RPGRIP1: variants seen among roughly 807,000 people sequenced by gnomAD.
The protein encoded by RPGRIP1 is RPGR interacting protein 1.
A neutral mutation model predicts 157.9 loss-of-function variants in RPGRIP1; 128 were observed. The ratio of observed to expected loss-of-function variants is 0.81; its 90% CI spans 0.70 to 0.94. The LOEUF is 0.94. Among genes scored for constraint, RPGRIP1 ranks in the 40% least tolerant of loss-of-function variants. The probability of loss-of-function intolerance (pLI) is 0.00; values close to 1 mark genes in which losing one functional copy is unlikely to be tolerated. For missense variants in RPGRIP1, 1,486 were observed against 1,545.8 expected, an observed-to-expected ratio of 0.96 and a Z score of 0.65; for synonymous variants, 554 against 571.6, an observed-to-expected ratio of 0.97 and a Z score of 0.44.
intron 10 of RPGRIP1, among the ~76,000 whole-genome samples, chr14:21,312,737 G>A (rs984987782): frequency 2.0e-5 from 3 of 151,092 alleles, no homozygotes; most frequent in Non-Finnish European, 4.4e-5. Flanking sequence ...TGCCCAGGCT[G>A]GAGTGCAGTG....
At chr14:21,290,127 G>T (rs2093603411) in intron 2 of RPGRIP1, among the ~76,000 whole-genome samples, 1 of 152,102 alleles carries the variant, frequency 6.6e-6, no homozygotes, top group Non-Finnish European at 1.5e-5. Context: ...AAAGTGCTGG[G>T]ATTACAGGCA....
intron 20 of RPGRIP1, 116 bp downstream of exon 20, chr14:21,330,503 T>A: frequency 1.4e-6 from 1 of 708,650 alleles, no homozygotes; most frequent in Non-Finnish European, 2.0e-6. Context: ...CCGTCTCTAC[T>A]AAAAATACAA....
intron 20 of RPGRIP1, among the ~76,000 whole-genome samples, chr14:21,333,224 G>A (rs1356329732): frequency 6.6e-6 from 1 of 152,218 alleles, no homozygotes; most frequent in African/African-American, 2.4e-5. Flanking sequence ...TGAAAAAGAA[G>A]CTTATTAATC....
Position 21,325,351 on chromosome 14 carries a change from G to C in RPGRIP1, c.2335G>C (p.Val779Leu), listed in dbSNP as rs1050643789. The C allele has an allele frequency of 2.5e-6, 4 of 1,595,166 alleles. No individual in the cohort carries two copies. Among genetic ancestry groups the C allele is most frequent in the Non-Finnish European group, 3.4e-6 (4 of 1,170,726 alleles). The change falls in exon 16 of 25, where the codon GTG becomes CTG. Residue 779 changes from valine (V) to leucine (L), a missense_variant. Val to Leu is a conservative substitution (Grantham distance 32, BLOSUM62 1). Transcript: ENST00000400017. ...KKAQVYLSTDVLGGRKAQEEE... is the reference protein window; with the variant it reads ...KKAQVYLSTDLLGGRKAQEEE... ...AGCCCAGGTCTACCTGTCAACCGAT[G>C]TGCTTGGAGGCCGGAAGGCCCAGGA...
chr14:21,324,648 G>T lies in RPGRIP1; in HGVS notation c.1793G>T (p.Arg598Leu), dbSNP rs74034910. 7 of 1,613,644 alleles carry T rather than the reference G, an allele frequency of 4.3e-6. No homozygotes were observed. The highest frequency in any genetic ancestry group is 2.2e-5 in the South Asian group (2 of 91,060). ...CTCAAAGATGTTGCTTATGGCACCC[G>T]ACCGTTGTCGTTATGTTTGGAAACA... is the stretch of plus-strand genomic sequence containing the variant. ...EQLKDVAYGT[R>L]PLSLCLETLP... The change falls in exon 15 of 25, where the codon CGA becomes CTA. Residue 598 changes from arginine (R) to leucine (L), a missense_variant. Physicochemically the swap from Arg to Leu is moderately radical, Grantham distance 102. Transcript: ENST00000400017.
intron 24 of RPGRIP1, 126 bp downstream of exon 24, chr14:21,348,428 T>C (rs1885787384): frequency 2.1e-5 from 15 of 726,212 alleles, no homozygotes; most frequent in Non-Finnish European, 3.2e-5. Context: ...TGAAATCTTA[T>C]CCCTACAACT....
chr14:21,349,927 CTATCT>C (rs1439646729), intron 24 of RPGRIP1, among the ~76,000 whole-genome samples: 18 of 152,300 alleles, frequency 1.2e-4, no homozygotes, highest in Middle Eastern at 3.4e-3. Context: ...GGGATGTCAC[CTATCT>C]TATCTGCTAG....
chr14:21,341,845 G>C (rs1367913026), intron 21 of RPGRIP1, among the ~76,000 whole-genome samples: 1 of 152,036 alleles, frequency 6.6e-6, no homozygotes, highest in East Asian at 1.9e-4. Context: ...CACGAGGTCA[G>C]GAGATCGAGA....
At chr14:21,281,988 T>C (rs1370235939) in intron 1 of RPGRIP1, among the ~76,000 whole-genome samples, 1 of 151,568 alleles carries the variant, frequency 6.6e-6, no homozygotes, top group African/African-American at 2.4e-5. Context: ...CCAGCTACTC[T>C]GGAGGCTGAG....
chr14:21,346,272 G>A lies in RPGRIP1; in HGVS notation c.3617+1075G>A, dbSNP rs532782889. Among the ~76,000 whole-genome samples the A allele has an allele frequency of 5.3e-5, 8 of 152,166 alleles. No homozygotes were observed. In the South Asian group the frequency reaches 6.2e-4, roughly 12 times the overall value. ...ATACCCAAAAAAAAATTATTTGGTC[G>A]GGTGCAGTGGCTCACATCTGTAATC... On this transcript the variant is annotated intron_variant, in intron 23 of 24. Coordinates refer to ENST00000400017, the MANE Select transcript of RPGRIP1 (RefSeq NM_020366.4).
At chr14:21,336,279 A>G (rs1245227277) in intron 21 of RPGRIP1, among the ~76,000 whole-genome samples, 2 of 152,172 alleles carry the variant, frequency 1.3e-5, no homozygotes, top group African/African-American at 4.8e-5. Context: ...TCACACTTGT[A>G]ATCCCAGCAC....
In RPGRIP1 at chr14:21,326,084, T is replaced by C; in HGVS notation, c.2621T>C (p.Val874Ala). Residue 874 changes from valine (V) to alanine (A), a missense_variant, in exon 17 of 25, where the codon GTT (valine) becomes GCT (alanine). By Grantham distance (64) the Val-to-Ala change is moderately conservative. Transcript: ENST00000400017. Reference protein sequence around the residue: ...YLRREALSIHVFDDEDLEPGS... With the variant: ...YLRREALSIHAFDDEDLEPGS... The stretch of plus-strand genomic sequence containing the variant: ...AGACGGGAGGCCTTGTCTATACATG[T>C]TTTTGATGATGAAGACTTAGAGCCT... 6.2e-7 allele frequency: 1 copy of C among 1,613,380 alleles called. No individual in the cohort carries two copies. Among genetic ancestry groups the C allele is most frequent in the Non-Finnish European group, 8.5e-7 (1 of 1,179,472 alleles).
intron 1 of RPGRIP1, among the ~76,000 whole-genome samples, chr14:21,286,520 G>C (rs528550329): frequency 3.4e-4 from 52 of 151,774 alleles, no homozygotes; most frequent in Non-Finnish European, 6.9e-4. Context: ...AATTGGGCTG[G>C]CTGCGGTCTG....
Position 21,301,201 on chromosome 14 carries a change from A to G in RPGRIP1, c.454A>G (p.Thr152Ala), listed in dbSNP as rs372471202. The G allele has an allele frequency of 2.5e-6, 4 of 1,593,944 alleles. No homozygotes were observed. The African/African-American group carries it at 5.4e-5, about 21-fold the overall frequency. Residue 152 changes from threonine (T) to alanine (A), a missense_variant, in exon 4 of 25, where the codon ACA becomes GCA. Thr to Ala is a moderately conservative substitution (Grantham distance 58, BLOSUM62 0). Coordinates refer to ENST00000400017, the MANE Select transcript of RPGRIP1 (RefSeq NM_020366.4). ...CCAAGTGGGACACAGACAGCTCCACACAGCCGGTGCACCGGTGCCGGAGAA... is the reference window on the plus strand; with the variant it reads ...CCAAGTGGGACACAGACAGCTCCACGCAGCCGGTGCACCGGTGCCGGAGAA... ...RVQVGHRQLH[T>A]AGAPVPEKPK...
chr14:21,286,151 G>A lies in RPGRIP1; in HGVS notation c.-38-1788G>A, dbSNP rs573362875. Among the ~76,000 whole-genome samples, 13 of 152,072 alleles carry A rather than the reference G, an allele frequency of 8.5e-5. No homozygotes were observed. The East Asian group carries it at 1.9e-3, about 23-fold the overall frequency. The stretch of plus-strand genomic sequence containing the variant: ...ATTAAAGGCACCCGCCACCACGCCC[G>A]GCTAATTTTTTGTATTTTTAGTGGA... On this transcript the variant is annotated intron_variant, in intron 1 of 24. Transcript: ENST00000400017.
intron 7 of RPGRIP1, among the ~76,000 whole-genome samples, chr14:21,308,433 G>A (rs1214401969): frequency 3.6e-5 from 4 of 111,406 alleles, no homozygotes; most frequent in Non-Finnish European, 7.7e-5. Flanking sequence ...AGATTCCAAG[G>A]GTAAGTAAGA....
At chr14:21,331,157 C>T (rs1883740802) in intron 20 of RPGRIP1, among the ~76,000 whole-genome samples, 1 of 151,894 alleles carries the variant, frequency 6.6e-6, no homozygotes, top group African/African-American at 2.4e-5. Flanking sequence ...GATCCGCCCA[C>T]CTCAGCCTCC....
intron 21 of RPGRIP1, among the ~76,000 whole-genome samples, chr14:21,337,900 C>T (rs1884552318): frequency 1.3e-5 from 2 of 151,734 alleles, no homozygotes; most frequent in South Asian, 4.2e-4. Context: ...GGACTACAGA[C>T]ACACGCTGTC....
intron 14 of RPGRIP1, among the ~76,000 whole-genome samples, chr14:21,323,521 C>T (rs1028144999): frequency 2.6e-5 from 4 of 152,010 alleles, no homozygotes; most frequent in Admixed American, 2.0e-4. Flanking sequence ...CTTCTACCTA[C>T]GTCTGAAGAT....
Sources: allele counts gnomAD v4.1 joint callset (sites outside exome capture counted in the v4.1 genomes callset), GRCh38; gene constraint gnomAD v4.1.1; transcripts MANE v1.5; gene names NCBI Gene and HGNC (gene_info 2026-07-23, HGNC 2026-07-21).